PGLYRP4: variants seen among roughly 807,000 people sequenced by gnomAD.
PGLYRP4 encodes the protein peptidoglycan recognition protein 4, also known as PGRP-I-beta.
A neutral mutation model predicts 41.2 loss-of-function variants in PGLYRP4; 39 were observed. The observed-to-expected ratio is 0.95, with a 90% CI of 0.73 to 1.24. PGLYRP4 has a LOEUF of 1.24. Ranked by LOEUF, PGLYRP4 falls within the 50% of genes most tolerant of loss-of-function variation. The pLI is 0.00. For synonymous variants in PGLYRP4, 202 were observed against 186.8 expected, an observed-to-expected ratio of 1.08 and a Z score of -0.66; for missense variants, 467 against 460.7, an observed-to-expected ratio of 1.01 and a Z score of -0.13.
intron 8 of PGLYRP4, among the ~76,000 whole-genome samples, chr1:153,336,172 A>G (rs1289841244): frequency 6.6e-6 from 1 of 151,962 alleles, no homozygotes; most frequent in Non-Finnish European, 1.5e-5. Flanking sequence ...GGAGTTCGAG[A>G]CAAGTCTGGC....
chr1:153,344,397 T>A (rs1660916726), intron 4 of PGLYRP4, among the ~76,000 whole-genome samples: 1 of 152,160 alleles, frequency 6.6e-6, no homozygotes. Flanking sequence ...TCCCAGGAGC[T>A]GTGTACATGC....
At chr1:153,331,894 G>A (rs561326275) in intron 8 of PGLYRP4, among the ~76,000 whole-genome samples, 33 of 152,252 alleles carry the variant, frequency 2.2e-4, no homozygotes, top group Admixed American at 1.9e-3. Context: ...GACTTATAAA[G>A]CAATTACTCA....
chr1:153,348,213 A>G (rs1366090131), intron 1 of PGLYRP4, among the ~76,000 whole-genome samples: 1 of 152,216 alleles, frequency 6.6e-6, no homozygotes, highest in Non-Finnish European at 1.5e-5. Context: ...AAGGCTGTGT[A>G]CACACTTGCA....
chr1:153,346,673 G>A (rs550628343), intron 2 of PGLYRP4, among the ~76,000 whole-genome samples: 1 of 152,330 alleles, frequency 6.6e-6, no homozygotes, highest in African/African-American at 2.4e-5. Context: ...GCCCATGGGG[G>A]ATGGGCAGGG....
chr1:153,332,485 C>A (rs918061988), intron 8 of PGLYRP4, among the ~76,000 whole-genome samples: 3 of 152,066 alleles, frequency 2.0e-5, no homozygotes, highest in Non-Finnish European at 2.9e-5. Flanking sequence ...GGCAGAAAAT[C>A]AACAAAGAAA....
chr1:153,347,795 G>C, intron 2 of PGLYRP4, 89 bp downstream of exon 2: 1 of 971,774 alleles, frequency 1.0e-6, no homozygotes, highest in South Asian at 1.4e-5. Flanking sequence ...CTCAGGCTCA[G>C]ATGGACAGTA....
At chr1:153,340,689 T>G in intron 6 of PGLYRP4, 110 bp from the exon 7 acceptor site, 1 of 1,095,404 alleles carries the variant, frequency 9.1e-7, no homozygotes, top group Non-Finnish European at 1.3e-6. Flanking sequence ...CAAACCCCTC[T>G]GGGTCTCCCA....
Position 153,340,538 on chromosome 1 carries a change from C to A in PGLYRP4, c.667G>T (p.Glu223Ter). The A allele has an allele frequency of 6.2e-7, 1 of 1,614,094 alleles. No individual in the cohort carries two copies. The highest frequency in any genetic ancestry group is 8.5e-7 in the Non-Finnish European group (1 of 1,180,022). Residue 223 changes from glutamate to a stop codon, truncating the protein, a stop_gained, in exon 7 of 9, where the codon GAG becomes TAG. Coordinates refer to ENST00000359650, the MANE Select transcript of PGLYRP4 (RefSeq NM_020393.4). LOFTEE classifies it high-confidence loss of function. ...AGAGTCATCCTGGGACAGTGGGTCTCCCTGGCTCCCCACACAGACCGTGGG... is the reference window on the plus strand; with the variant it reads ...AGAGTCATCCTGGGACAGTGGGTCTACCTGGCTCCCCACACAGACCGTGGG... ...VVPRSVWGAR[E>*]THCPRMTLPA... is the part of the protein sequence containing the mutation.
intron 2 of PGLYRP4, among the ~76,000 whole-genome samples, chr1:153,347,441 C>T (rs909877083): frequency 2.0e-5 from 3 of 152,160 alleles, no homozygotes; most frequent in African/African-American, 2.4e-5. Flanking sequence ...ACGATCTCAT[C>T]TCACTACAAC....
intron 8 of PGLYRP4, among the ~76,000 whole-genome samples, chr1:153,331,359 A>G (rs1340094571): frequency 6.6e-6 from 1 of 152,140 alleles, no homozygotes; most frequent in East Asian, 1.9e-4. Context: ...TCTGACAACA[A>G]TGAATTATCT....
chr1:153,334,373 A>G (rs531154567), intron 8 of PGLYRP4, among the ~76,000 whole-genome samples: 2 of 150,104 alleles, frequency 1.3e-5, no homozygotes, highest in South Asian at 2.1e-4. Context: ...GTATGTATAT[A>G]TATGTATTCC....
In PGLYRP4 at chr1:153,343,080, T is replaced by TA. The variant is rs1378856264; in HGVS notation, c.472+9dup. The TA allele has an allele frequency of 6.5e-7, 1 of 1,540,168 alleles. No individual in the cohort carries two copies. Among genetic ancestry groups the TA allele is most frequent in the Middle Eastern group, 1.7e-4 (1 of 5,926 alleles). On this transcript the variant is annotated intron_variant, in intron 5 of 8. Transcript: ENST00000359650. ...ACTCTTTGGAGAAGGTCAGCTGTGA[T>TA]AACTGTTACCTTTCTTAGTGCCAAA...
intron 7 of PGLYRP4, among the ~76,000 whole-genome samples, chr1:153,339,322 C>T (rs1020463348): frequency 3.3e-5 from 5 of 152,274 alleles, no homozygotes; most frequent in South Asian, 4.1e-4. Flanking sequence ...GGTTCTGATA[C>T]GTCATAGGTG....
chr1:153,342,989 G>T, intron 5 of PGLYRP4, 101 bp downstream of exon 5: 1 of 282,536 alleles, frequency 3.5e-6, no homozygotes, highest in Non-Finnish European at 5.8e-6. Context: ...GTATGAGAAG[G>T]ATAAGACAGC....
intron 8 of PGLYRP4, among the ~76,000 whole-genome samples, chr1:153,333,683 C>A (rs1420009896): frequency 6.6e-6 from 1 of 152,142 alleles, no homozygotes; most frequent in East Asian, 1.9e-4. Flanking sequence ...ATCTAGCGAA[C>A]TAAATCCAAC....
chr1:153,337,076 A>G, intron 8 of PGLYRP4, 105 bp downstream of exon 8: 1 of 881,426 alleles, frequency 1.1e-6, no homozygotes, highest in Non-Finnish European at 1.9e-6. Flanking sequence ...AATCAAGCAT[A>G]TGCAGGCACT....
At chr1:153,330,991 T>G in intron 8 of PGLYRP4, 46 bp from the exon 9 acceptor site, 1 of 1,524,438 alleles carries the variant, frequency 6.6e-7, no homozygotes, top group Non-Finnish European at 9.0e-7. Context: ...CAGGGCACCC[T>G]GCAAAATAGA....
intron 8 of PGLYRP4, among the ~76,000 whole-genome samples, chr1:153,331,299 T>G (rs1180173253): frequency 1.3e-5 from 2 of 152,220 alleles, no homozygotes; most frequent in African/African-American, 4.8e-5. Context: ...AGGGGAATAC[T>G]AGTCGGTAGA....
intron 3 of PGLYRP4, 133 bp from the exon 4 acceptor site, chr1:153,345,515 C>G: frequency 1.4e-6 from 1 of 715,574 alleles, no homozygotes; most frequent in Non-Finnish European, 2.5e-6. Context: ...CTGCCCTGCC[C>G]ACCTCTACAT....
Sources: allele counts gnomAD v4.1 joint callset (sites outside exome capture counted in the v4.1 genomes callset), GRCh38; gene constraint gnomAD v4.1.1; transcripts MANE v1.5; gene names NCBI Gene and HGNC (gene_info 2026-07-23, HGNC 2026-07-21).